Variants in HLCS observed in about 807,000 individuals in gnomAD.
HLCS encodes biotin--protein ligase.
HLCS carries 53 observed loss-of-function variants against 75.0 expected under a neutral mutation model. The ratio of observed to expected loss-of-function variants is 0.71; its 90% confidence interval spans 0.57 to 0.89. HLCS has a LOEUF of 0.89. HLCS is among the 40% of genes least tolerant of loss of function. The pLI is 0.00. For missense variants in HLCS, 966 were observed against 1,074.0 expected, an observed-to-expected ratio of 0.90 and a Z score of 1.41; for synonymous variants, 431 against 428.6, an observed-to-expected ratio of 1.01 and a Z score of -0.07.
intron 2 of HLCS, among the ~76,000 whole-genome samples, chr21:36,954,660 C>T (rs542544943): frequency 2.1e-4 from 32 of 152,130 alleles, no homozygotes; most frequent in South Asian, 4.2e-4. Flanking sequence ...ATACAGTACA[C>T]AGTACCTGAT....
Position 36,751,356 on chromosome 21 carries a change from T to C in HLCS, c.*2890A>G, listed in dbSNP as rs947897626. The C allele has an allele frequency of 1.3e-5, 2 of 152,680 alleles. No homozygotes were observed. Among genetic ancestry groups the C allele is most frequent in the South Asian group, 4.1e-4 (2 of 4,834 alleles). The allele number at this position is 152,680 out of a possible 1,614,324, so 9.5% of individuals were successfully genotyped here. On this transcript the variant is annotated 3_prime_UTR_variant, in exon 11 of 11. Coordinates refer to ENST00000674895, the MANE Select transcript of HLCS (RefSeq NM_001352514.2). ...TTAACCAGGAATAAGGATTCTCCCA[T>C]GTTCTGCCTGTTAAGAGCAAACAGA...
chr21:36,768,135 T>C (rs2090107092), intron 6 of HLCS, among the ~76,000 whole-genome samples: 1 of 152,230 alleles, frequency 6.6e-6, no homozygotes, highest in Non-Finnish European at 1.5e-5. Flanking sequence ...GCAGGCGCGG[T>C]TCGAGGTAGG....
At chr21:36,919,880 C>T (rs1010763062) in intron 5 of HLCS, among the ~76,000 whole-genome samples, 3 of 152,048 alleles carry the variant, frequency 2.0e-5, no homozygotes, top group African/African-American at 4.8e-5. Flanking sequence ...GAAAAGAATG[C>T]ATTCAAAGGA....
chr21:36,794,445 C>T (rs529369137), intron 6 of HLCS, among the ~76,000 whole-genome samples: 91 of 152,282 alleles, frequency 6.0e-4, no homozygotes, highest in Non-Finnish European at 1.1e-3. Flanking sequence ...CTATTCCAGG[C>T]AGAGGCAGCG....
Position 36,750,453 on chromosome 21 carries a change from C to G in HLCS, c.*3793G>C, listed in dbSNP as rs539173394. Among the ~76,000 whole-genome samples the G allele has an allele frequency of 6.6e-6, 1 of 152,288 alleles. No individual in the cohort carries two copies. Among genetic ancestry groups the G allele is most frequent in the South Asian group, 2.1e-4 (1 of 4,822 alleles). On this transcript the variant is annotated 3_prime_UTR_variant, in exon 11 of 11. Transcript: ENST00000674895. ...TGGAGGGCAGCGCGGAGGGTATCTG[C>G]AAGAGCCTGTATTTTCCGCCTCCCT...
At chr21:36,758,553 GA>G (rs755463160) in intron 9 of HLCS, among the ~76,000 whole-genome samples, 12 of 152,142 alleles carry the variant, frequency 7.9e-5, no homozygotes, top group Admixed American at 1.3e-4. Flanking sequence ...CTGGGATTAT[GA>G]GCTCAAGCCA....
intron 6 of HLCS, among the ~76,000 whole-genome samples, chr21:36,770,792 C>A (rs1032793307): frequency 1.3e-5 from 2 of 151,930 alleles, no homozygotes; most frequent in South Asian, 4.2e-4. Flanking sequence ...GGCTGGGTAA[C>A]CTTTTGATTT....
At position 36,962,562 on chromosome 21, in the gene HLCS, C is replaced by T. The variant is rs770489267; in HGVS notation, c.196-392G>A. 7.2e-5 allele frequency among the ~76,000 whole-genome samples: 11 copies of T among 151,796 alleles called. No individual in the cohort carries two copies. The East Asian group carries it at 7.7e-4, about 11-fold the overall frequency. ...TAGCACTTTGGGAGGCCAAGGTGGG[C>T]AGATCGCTTGAGCCCAGGAGTTCAA... On this transcript the variant is annotated intron_variant, in intron 1 of 10. Coordinates refer to ENST00000674895, the MANE Select transcript of HLCS (RefSeq NM_001352514.2).
At chr21:36,785,319 G>C (rs2060654495) in intron 6 of HLCS, among the ~76,000 whole-genome samples, 1 of 152,164 alleles carries the variant, frequency 6.6e-6, no homozygotes, top group African/African-American at 2.4e-5. Context: ...GCAGGGCTTT[G>C]CTCCATGACA....
chr21:36,837,653 G>A (rs186976361), intron 6 of HLCS, among the ~76,000 whole-genome samples: 1 of 152,274 alleles, frequency 6.6e-6, no homozygotes, highest in African/African-American at 2.4e-5. Flanking sequence ...TTCTTAGTAA[G>A]GTTGGCCCAT....
chr21:36,976,413 TAC>T (rs1443474104), intron 1 of HLCS, among the ~76,000 whole-genome samples: 5 of 102,404 alleles, frequency 4.9e-5, no homozygotes, highest in Non-Finnish European at 1.0e-4. Context: ...CACACACGCA[TAC>T]ACACACAGAA....
chr21:36,774,807 CAT>C (rs773957508), intron 6 of HLCS, among the ~76,000 whole-genome samples: 22 of 152,214 alleles, frequency 1.4e-4, no homozygotes, highest in Non-Finnish European at 2.4e-4. Flanking sequence ...CAAAGCTACA[CAT>C]AGTTGGTTGA....
intron 6 of HLCS, among the ~76,000 whole-genome samples, chr21:36,809,668 A>G (rs145143999): frequency 6.6e-6 from 1 of 152,080 alleles, no homozygotes; most frequent in East Asian, 1.9e-4. Flanking sequence ...TTATCATTCT[A>G]TTTCTCTGCT....
At chr21:36,875,881 C>T (rs1601594318) in intron 6 of HLCS, among the ~76,000 whole-genome samples, 1 of 152,222 alleles carries the variant, frequency 6.6e-6, no homozygotes, top group Admixed American at 6.5e-5. Flanking sequence ...AGGGGCTCCC[C>T]AAGCCAGGGC....
chr21:36,901,444 G>C (rs1219530139), intron 5 of HLCS, among the ~76,000 whole-genome samples: 2 of 152,192 alleles, frequency 1.3e-5, no homozygotes, highest in Admixed American at 1.3e-4. Flanking sequence ...AGGATGCAAA[G>C]TAGGGCTGCT....
chr21:36,791,668 G>A (rs2060868547), intron 6 of HLCS, among the ~76,000 whole-genome samples: 1 of 152,038 alleles, frequency 6.6e-6, no homozygotes, highest in Non-Finnish European at 1.5e-5. Flanking sequence ...TGGCAGACAG[G>A]CAGGCTGGGG....
intron 6 of HLCS, among the ~76,000 whole-genome samples, chr21:36,793,614 T>C (rs566148642): frequency 6.2e-4 from 94 of 152,236 alleles, no homozygotes; most frequent in African/African-American, 2.1e-3. Flanking sequence ...TGCAATCTTA[T>C]TGGTGTGTCA....
intron 6 of HLCS, among the ~76,000 whole-genome samples, chr21:36,893,465 A>C (rs553281478): frequency 6.6e-6 from 1 of 152,330 alleles, no homozygotes; most frequent in Admixed American, 6.5e-5. Context: ...GTATAATACT[A>C]GTGTTTGACA....
intron 6 of HLCS, among the ~76,000 whole-genome samples, chr21:36,886,258 C>T (rs1461525048): frequency 1.3e-5 from 2 of 151,484 alleles, no homozygotes; most frequent in South Asian, 2.1e-4. Flanking sequence ...GGTGAAACCC[C>T]GTCTCTACTA....
Sources: gnomAD v4.1 joint callset for allele counts (sites outside exome capture counted in the v4.1 genomes callset) on GRCh38, gnomAD v4.1.1 for gene constraint, MANE v1.5 for transcripts, NCBI Gene and HGNC (gene_info 2026-07-23, HGNC 2026-07-21) for gene names.